The following CATIP variants were observed in gnomAD, a reference collection of about 807,000 sequenced individuals.
CATIP encodes ciliogenesis associated TTC17 interacting protein.
Under a neutral mutation model 42.5 loss-of-function variants are expected in CATIP, and 40 were observed. That is an observed-to-expected ratio of 0.94 (90% CI 0.73 to 1.22). The LOEUF is 1.22. CATIP is among the 50% of genes most tolerant of loss of function. CATIP has a pLI of 0.00. For missense variants in CATIP, 489 were observed against 496.0 expected, an observed-to-expected ratio of 0.99 and a Z score of 0.13; for synonymous variants, 222 against 200.2, an observed-to-expected ratio of 1.11 and a Z score of -0.92.
At position 218,356,865 on chromosome 2, in the gene CATIP, G is replaced by A. The variant is rs376056004; in HGVS notation, c.-20G>A. The stretch of plus-strand genomic sequence containing the variant: ...CATGGAGACAGCTGGACACAGACCG[G>A]GTAGAGGCAGGCCCACAGCATGTCC... On this transcript the variant is annotated 5_prime_UTR_variant, in exon 1 of 10. Transcript: ENST00000289388. 104 of 1,613,986 alleles carry A rather than the reference G, an allele frequency of 6.4e-5. No individual in the cohort carries two copies. The highest frequency in any genetic ancestry group is 8.4e-5 in the Non-Finnish European group (99 of 1,180,018).
chr2:218,368,082 C>G lies in CATIP; in HGVS notation c.*118C>G, dbSNP rs906143014. The G allele has an allele frequency of 9.7e-6, 12 of 1,235,496 alleles. No homozygotes were observed. The highest frequency in any genetic ancestry group is 3.1e-5 in the Admixed American group (1 of 32,414). 76.5% of individuals were successfully genotyped at this position (1,235,496 alleles called of 1,614,324 possible). On this transcript the variant is annotated 3_prime_UTR_variant, in exon 10 of 10. Coordinates refer to ENST00000289388, the MANE Select transcript of CATIP (RefSeq NM_198559.2). ...TTTTGGGGGAATAAATGGGGCCCTC[C>G]CGCTTCTCTGCAGCGCCCGTCGACA...
At chr2:218,361,267 G>C (rs964543176) in intron 5 of CATIP, among the ~76,000 whole-genome samples, 1 of 151,932 alleles carries the variant, frequency 6.6e-6, no homozygotes, top group Admixed American at 6.6e-5. Flanking sequence ...CCAGCTACTC[G>C]GGAGGGTGAG....
At chr2:218,364,304 C>T (rs1462790332) in intron 6 of CATIP, among the ~76,000 whole-genome samples, 2 of 152,152 alleles carry the variant, frequency 1.3e-5, no homozygotes, top group Non-Finnish European at 2.9e-5. Context: ...ACCTCTGAGC[C>T]TCACTTTACC....
chr2:218,357,533 GA>G lies in CATIP; in HGVS notation c.119del (p.His40ProfsTer27). 1 of 1,613,532 alleles carries G rather than the reference GA, an allele frequency of 6.2e-7. No homozygotes were observed. The highest frequency in any genetic ancestry group is 8.5e-7 in the Non-Finnish European group (1 of 1,179,872). On this transcript the variant is annotated frameshift_variant and splice_region_variant, in exon 3 of 10. Transcript: ENST00000289388. LOFTEE classifies it high-confidence loss of function. ...CTGTTCCCACGGGCCCCTCACCCCA[GA>G]CAAGGAGGAGCTACAGATGCTGTTC... is the stretch of plus-strand genomic sequence containing the variant. ...AEAIDFLSSL[H>X]KEELQMLFFS...
At chr2:218,358,565 A>T (rs1265255318) in intron 4 of CATIP, among the ~76,000 whole-genome samples, 5 of 151,928 alleles carry the variant, frequency 3.3e-5, no homozygotes, top group South Asian at 2.1e-4. Context: ...CGTCTCAAGA[A>T]AAAAATTAAA....
chr2:218,367,277 T>C, intron 8 of CATIP, 153 bp from the exon 9 acceptor site: 1 of 809,084 alleles, frequency 1.2e-6, no homozygotes, highest in Non-Finnish European at 2.0e-6. Flanking sequence ...GGAGGATCTT[T>C]CCTACTGGAA....
intron 2 of CATIP, 102 bp downstream of exon 2, chr2:218,357,289 C>CTCTCTCTT (rs976419523): frequency 8.1e-6 from 7 of 864,278 alleles, no homozygotes; most frequent in Admixed American, 5.3e-5. Context: ...CTCTCTCTCT[C>CTCTCTCTT]TTCCTTGATT....
At chr2:218,356,988 A>T in intron 1 of CATIP, 79 bp downstream of exon 1, 1 of 1,593,740 alleles carries the variant, frequency 6.3e-7, no homozygotes, top group Non-Finnish European at 8.6e-7. Flanking sequence ...GTCTTAGAGG[A>T]TTCTGTTCTT....
intron 6 of CATIP, 24 bp from the exon 7 acceptor site, chr2:218,364,603 AC>A: frequency 6.2e-7 from 1 of 1,611,918 alleles, no homozygotes; most frequent in Admixed American, 1.7e-5. Context: ...CTTACCTCCC[AC>A]CCCCCAATTT....
chr2:218,365,809 CTCTT>C (rs1209553803), intron 7 of CATIP: 13 of 148,148 alleles, frequency 8.8e-5, no homozygotes, highest in Non-Finnish European at 5.9e-5. Context: ...TCCTCTTTCT[CTCTT>C]TCTCTCTCTC....
intron 6 of CATIP, among the ~76,000 whole-genome samples, chr2:218,364,196 G>C (rs1261622522): frequency 6.6e-6 from 1 of 152,100 alleles, no homozygotes; most frequent in African/African-American, 2.4e-5. Flanking sequence ...TTTCTCCATA[G>C]CTGCAGCTAC....
At position 218,367,985 on chromosome 2, in the gene CATIP, G is replaced by A. The variant is rs374898914; in HGVS notation, c.*21G>A. 1 of 1,523,750 alleles carries A rather than the reference G, an allele frequency of 6.6e-7. No homozygotes were observed. The highest frequency in any genetic ancestry group is 8.8e-7 in the Non-Finnish European group (1 of 1,140,126). The allele number at this position is 1,523,750 out of a possible 1,614,324, so 94.4% of individuals were successfully genotyped here. On this transcript the variant is annotated 3_prime_UTR_variant, in exon 10 of 10. Coordinates refer to ENST00000289388, the MANE Select transcript of CATIP (RefSeq NM_198559.2). ...CCTAAGCGGGGCCCAGGCCCGGACA[G>A]GGCAGGAAACCAGGGGTCGGGCTGG...
chr2:218,367,102 T>C lies in CATIP; in HGVS notation c.832+2T>C. 1 of 1,610,406 alleles carries C rather than the reference T, an allele frequency of 6.2e-7. No individual in the cohort carries two copies. Among genetic ancestry groups the C allele is most frequent in the South Asian group, 1.1e-5 (1 of 90,986 alleles). Reference sequence around the variant, plus strand: ...AGATGCCCATCTTGAGGGAAGAGGGTGAGTGAAGCCCAGGCCTTGTGCAGG... The same window carrying C: ...AGATGCCCATCTTGAGGGAAGAGGGCGAGTGAAGCCCAGGCCTTGTGCAGG... On this transcript the variant is annotated splice_donor_variant, in intron 8 of 9. Transcript: ENST00000289388. LOFTEE classifies it high-confidence loss of function.
rs779420778 is a variant in CATIP, at chr2:218,357,142, C to T, written c.73C>T (p.Leu25Phe). Residue 25 changes from leucine to phenylalanine, a missense_variant, in exon 2 of 10, where the codon CTC becomes TTC. Coordinates refer to ENST00000289388, the MANE Select transcript of CATIP (RefSeq NM_198559.2). ...HQPSGPECLPLPEANAEAIDF... is the reference protein window; with the variant it reads ...HQPSGPECLPFPEANAEAIDF... ...GCCCTCGGGTCCGGAGTGTCTGCCA[C>T]TCCCAGAGGCCAATGCTGAAGCCAT... 31 of 1,613,946 alleles carry T rather than the reference C, an allele frequency of 1.9e-5. No individual in the cohort carries two copies. The Admixed American group carries it at 5.0e-4, about 26-fold the overall frequency.
intron 4 of CATIP, 32 bp downstream of exon 4, chr2:218,358,124 C>T (rs777944568): frequency 6.3e-7 from 1 of 1,584,590 alleles, no homozygotes; most frequent in South Asian, 1.1e-5. Flanking sequence ...TTGACCCAAT[C>T]CAGGGGAGAG....
rs113382878 is a variant in CATIP, at chr2:218,363,498, C to A, written c.630+596C>A. Among the ~76,000 whole-genome samples the A allele has an allele frequency of 6.2e-3, 675 of 108,078 alleles. 4 individuals are homozygous for A. Among genetic ancestry groups the A allele is most frequent in the African/African-American group, 0.016 (474 of 28,932 alleles). The allele number at this position is 108,078 out of a possible 152,430, so 70.9% of individuals were successfully genotyped here. On this transcript the variant is annotated intron_variant, in intron 6 of 9. Coordinates refer to ENST00000289388, the MANE Select transcript of CATIP (RefSeq NM_198559.2). ...GAGACTCTGTCTCAAAAAAAAAAAA[C>A]AAAAAAAAAAAAACGTCATTTTGGC... is the stretch of plus-strand genomic sequence containing the variant.
chr2:218,366,936 C>T (rs1695464272), intron 7 of CATIP, 88 bp from the exon 8 acceptor site: 2 of 1,026,014 alleles, frequency 1.9e-6, no homozygotes, highest in Non-Finnish European at 3.0e-6. Context: ...CCTCCAAATA[C>T]CACCACACTG....
Position 218,367,691 on chromosome 2 carries a change from CGGCTGAGGCTCG to C in CATIP, c.922-26_922-15del. 6.3e-7 allele frequency: 1 copy of C among 1,580,024 alleles called. No homozygotes were observed. Among genetic ancestry groups the C allele is most frequent in the Non-Finnish European group, 8.6e-7 (1 of 1,166,154 alleles). ...GCTCCTGGGGCGCGGGGGTCCCGTCCGGCTGAGGCTCGGGCTCTGTCCCCTGCCAGGAGGAGC... is the reference window on the plus strand; with the variant it reads ...GCTCCTGGGGCGCGGGGGTCCCGTCCGGCTCTGTCCCCTGCCAGGAGGAGC... On this transcript the variant is annotated intron_variant, in intron 9 of 9. Transcript: ENST00000289388.
At chr2:218,358,221 G>A (rs1695106840) in intron 4 of CATIP, 129 bp downstream of exon 4, 2 of 747,260 alleles carry the variant, frequency 2.7e-6, no homozygotes, top group East Asian at 2.5e-5. Context: ...TAGCAATCGT[G>A]TTATGATGCA....
Sources: allele counts gnomAD v4.1 joint callset (sites outside exome capture counted in the v4.1 genomes callset), GRCh38; gene constraint gnomAD v4.1.1; transcripts MANE v1.5; gene names NCBI Gene and HGNC (gene_info 2026-07-23, HGNC 2026-07-21).